The following PARD3B variants were observed in gnomAD, a reference collection of about 807,000 sequenced individuals.
PARD3B encodes the protein par-3 family cell polarity regulator beta.
Under a neutral mutation model 130.2 loss-of-function variants are expected in PARD3B, and 103 were observed. That is an observed-to-expected ratio of 0.79 (90% CI 0.67 to 0.93). The LOEUF (loss-of-function observed/expected upper bound fraction) is 0.93, where lower values mean the gene tolerates loss of function less well. Ranked by LOEUF, PARD3B falls within the 40% of genes least tolerant of loss-of-function variation. PARD3B has a pLI of 0.00. For missense variants in PARD3B, 1,609 were observed against 1,499.2 expected, an observed-to-expected ratio of 1.07 and a Z score of -1.21; for synonymous variants, 583 against 553.2, an observed-to-expected ratio of 1.05 and a Z score of -0.76.
intron 22 of PARD3B, among the ~76,000 whole-genome samples, chr2:205,554,467 G>A (rs964452598): frequency 2.0e-5 from 3 of 152,126 alleles, no homozygotes; most frequent in Admixed American, 6.6e-5. Flanking sequence ...GTTTTGTCCT[G>A]ATTAGGCAGG....
intron 2 of PARD3B, among the ~76,000 whole-genome samples, chr2:204,861,890 G>T (rs1283315441): frequency 1.0e-4 from 11 of 105,810 alleles, no homozygotes; most frequent in Non-Finnish European, 1.9e-4. Context: ...CATTTCAGTT[G>T]ATTCAGTTAA....
At chr2:204,738,686 G>A (rs1435640304) in intron 2 of PARD3B, among the ~76,000 whole-genome samples, 2 of 151,692 alleles carry the variant, frequency 1.3e-5, no homozygotes, top group Non-Finnish European at 2.9e-5. Flanking sequence ...AGACAGGCAG[G>A]TCTGAGGTCC....
At chr2:205,360,729 A>G (rs1348353423) in intron 18 of PARD3B, among the ~76,000 whole-genome samples, 1 of 152,146 alleles carries the variant, frequency 6.6e-6, no homozygotes, top group African/African-American at 2.4e-5. Context: ...TCTGTGACAC[A>G]CTAGCTTTGT....
chr2:205,157,034 T>C (rs990050551), intron 10 of PARD3B, among the ~76,000 whole-genome samples: 1 of 152,200 alleles, frequency 6.6e-6, no homozygotes, highest in African/African-American at 2.4e-5. Context: ...TCTCTTTGTC[T>C]CTGATAGACA....
In PARD3B at chr2:205,473,677, T is replaced by C. The variant is rs1193626701; in HGVS notation, c.3045-26219T>C. On this transcript the variant is annotated intron_variant, in intron 20 of 22. Transcript: ENST00000406610. The surrounding 1 kb of genome is among the most constrained non-coding windows in gnomAD (Gnocchi z 4.9). ...ATATGTGTGTGTGTGTGTGTGTGTG[T>C]GTGTATGTATATATATATATATATA... Among the ~76,000 whole-genome samples the C allele has an allele frequency of 2.1e-5, 2 of 93,356 alleles. No homozygotes were observed. The highest frequency in any genetic ancestry group is 1.3e-4 in the African/African-American group (2 of 15,386). 61.2% of individuals were successfully genotyped at this position (93,356 alleles called of 152,430 possible).
At chr2:204,570,952 G>C (rs992836630) in intron 1 of PARD3B, among the ~76,000 whole-genome samples, 2 of 151,162 alleles carry the variant, frequency 1.3e-5, no homozygotes, top group Non-Finnish European at 3.0e-5. Flanking sequence ...TGTATAAGCT[G>C]TTGTAACTGA....
intron 15 of PARD3B, among the ~76,000 whole-genome samples, chr2:205,238,387 C>T (rs1190767847): frequency 1.3e-5 from 2 of 152,112 alleles, no homozygotes; most frequent in Admixed American, 1.3e-4. Context: ...AGGAGGATCA[C>T]TTGAGTGCAG....
At chr2:204,961,275 CA>C (rs1418348034) in intron 2 of PARD3B, among the ~76,000 whole-genome samples, 1 of 152,068 alleles carries the variant, frequency 6.6e-6, no homozygotes, top group Non-Finnish European at 1.5e-5. Context: ...GGGAACTAGT[CA>C]GGGGGCTGTT....
At position 205,525,887 on chromosome 2, in the gene PARD3B, A is replaced by G. The variant is rs2051315433; in HGVS notation, c.3180+25856A>G. 6.6e-6 allele frequency among the ~76,000 whole-genome samples: 1 copy of G among 152,180 alleles called. No homozygotes were observed. The highest frequency in any genetic ancestry group is 1.5e-5 in the Non-Finnish European group (1 of 68,028). ...TACCCAGTCCCGGGAAGGTGCAAGA[A>G]AATCTGATCCTTTTTCAAAAATCAT... On this transcript the variant is annotated intron_variant, in intron 21 of 22. Coordinates refer to ENST00000406610, the MANE Select transcript of PARD3B (RefSeq NM_001302769.2). The surrounding 1 kb of genome is among the most constrained non-coding windows in gnomAD (Gnocchi z 4.2).
intron 15 of PARD3B, among the ~76,000 whole-genome samples, chr2:205,195,775 T>C (rs1464934536): frequency 6.6e-6 from 1 of 152,100 alleles, no homozygotes; most frequent in South Asian, 2.1e-4. Context: ...GAATACACAA[T>C]TCATGATGTC....
chr2:205,239,721 C>T (rs2039265872), intron 15 of PARD3B, among the ~76,000 whole-genome samples: 1 of 152,006 alleles, frequency 6.6e-6, no homozygotes, highest in Non-Finnish European at 1.5e-5. Flanking sequence ...GGGAATAAGC[C>T]CTCCTTTTTT....
intron 2 of PARD3B, among the ~76,000 whole-genome samples, chr2:204,842,210 C>T (rs1264597063): frequency 2.0e-5 from 3 of 152,046 alleles, no homozygotes; most frequent in Non-Finnish European, 4.4e-5. Context: ...AAGCAATAGT[C>T]TTTCAAGCCT....
chr2:205,136,605 C>T (rs1264323274), intron 10 of PARD3B, among the ~76,000 whole-genome samples: 1 of 152,182 alleles, frequency 6.6e-6, no homozygotes, highest in East Asian at 1.9e-4. Flanking sequence ...TTCTCTCCTT[C>T]CCAGCAGCTA....
At chr2:205,581,686 A>G (rs979983728) in intron 22 of PARD3B, among the ~76,000 whole-genome samples, 1 of 151,940 alleles carries the variant, frequency 6.6e-6, no homozygotes, top group East Asian at 1.9e-4. Flanking sequence ...ATCATTACAC[A>G]TTGTATGTCT....
chr2:204,748,151 G>A (rs138801486), intron 2 of PARD3B, among the ~76,000 whole-genome samples: 32 of 152,004 alleles, frequency 2.1e-4, no homozygotes, highest in African/African-American at 6.3e-4. Flanking sequence ...GGTTGAGTAC[G>A]GTTGCTCAAA....
intron 21 of PARD3B, among the ~76,000 whole-genome samples, chr2:205,523,017 T>G (rs1250893905): frequency 6.6e-6 from 1 of 151,594 alleles, no homozygotes; most frequent in East Asian, 1.9e-4. Context: ...AGTATCCCTT[T>G]TTTCTTAGGT....
intron 4 of PARD3B, among the ~76,000 whole-genome samples, chr2:205,089,786 C>T (rs190962169): frequency 8.5e-5 from 13 of 152,306 alleles, no homozygotes; most frequent in Admixed American, 7.8e-4. Context: ...TATGCATGTA[C>T]TTCAGTCTTT....
intron 18 of PARD3B, among the ~76,000 whole-genome samples, chr2:205,348,908 G>GTGA (rs1379075968): frequency 1.3e-5 from 2 of 152,142 alleles, no homozygotes; most frequent in Non-Finnish European, 1.5e-5. Flanking sequence ...GTGCTACAAG[G>GTGA]TGACTTGAAT....
intron 3 of PARD3B, among the ~76,000 whole-genome samples, chr2:205,001,290 G>A (rs183308206): frequency 3.1e-3 from 468 of 152,300 alleles, no homozygotes; most frequent in African/African-American, 8.6e-3. Flanking sequence ...CACCCAGCCT[G>A]CAATGCTCTT....
Sources: allele counts gnomAD v4.1 joint callset (sites outside exome capture counted in the v4.1 genomes callset), GRCh38; gene constraint gnomAD v4.1.1; non-coding constraint Gnocchi (gnomAD v3.1); transcripts MANE v1.5; gene names NCBI Gene and HGNC (gene_info 2026-07-23, HGNC 2026-07-21).